Variants in DOC2B observed in about 807,000 individuals in gnomAD.
DOC2B encodes double C2 domain beta.
A neutral mutation model predicts 28.9 loss-of-function variants in DOC2B; 21 were observed. The ratio of observed to expected loss-of-function variants is 0.73; its 90% CI spans 0.52 to 1.05. The LOEUF is 1.05. Ranked by LOEUF, DOC2B falls within the 50% of genes least tolerant of loss-of-function variation. The pLI, the probability that DOC2B is intolerant of heterozygous loss-of-function variation, is 0.00. For synonymous variants in DOC2B, 194 were observed against 178.1 expected, an observed-to-expected ratio of 1.09 and a Z score of -0.71; for missense variants, 384 against 421.1, an observed-to-expected ratio of 0.91 and a Z score of 0.77.
Position 147,277 on chromosome 17 carries a change from G to A in DOC2B, c.*164C>T, listed in dbSNP as rs927689403. On this transcript the variant is annotated 3_prime_UTR_variant, in exon 9 of 9. Transcript: ENST00000613549. Reference sequence around the variant, plus strand: ...GCCCTCCCCGTCCCAGAGTGGCTGAGCCCTCCACATCCTCCGAGCGGGGAC... The same window carrying A: ...GCCCTCCCCGTCCCAGAGTGGCTGAACCCTCCACATCCTCCGAGCGGGGAC... 2 of 395,716 alleles carry A rather than the reference G, an allele frequency of 5.1e-6. No homozygotes were observed. Among genetic ancestry groups the A allele is most frequent in the Admixed American group, 4.4e-5 (1 of 22,648 alleles). 24.5% of individuals were successfully genotyped at this position (395,716 alleles called of 1,614,324 possible).
rs528337335 is a variant in DOC2B at position 151,138 on chromosome 17, G to C, written c.924-1946C>G. On this transcript the variant is annotated intron_variant, in intron 6 of 8. Coordinates refer to ENST00000613549, the MANE Select transcript of DOC2B (RefSeq NM_003585.5). ...AATTAAAAATTAGCTGGGCATGGTGGTGCATGCCTGTAGTCCCAGCTATTC... is the reference window on the plus strand; with the variant it reads ...AATTAAAAATTAGCTGGGCATGGTGCTGCATGCCTGTAGTCCCAGCTATTC... Among the ~76,000 whole-genome samples, 74 of 152,276 alleles carry C rather than the reference G, an allele frequency of 4.9e-4. 3 individuals carry two copies. The South Asian group carries it at 0.014, about 29-fold the overall frequency.
chr17:153,055 G>C (rs994283565), intron 6 of DOC2B, among the ~76,000 whole-genome samples: 1 of 152,160 alleles, frequency 6.6e-6, no homozygotes, highest in African/African-American at 2.4e-5. Flanking sequence ...AGCAGCAGCC[G>C]TCGTGTCTCA....
intron 5 of DOC2B, among the ~76,000 whole-genome samples, chr17:159,709 A>T (rs2040177253): frequency 6.6e-6 from 1 of 152,156 alleles, no homozygotes; most frequent in Non-Finnish European, 1.5e-5. Context: ...GGTCACTGTG[A>T]GTCCCTGAAC....
At chr17:149,501 G>C (rs1478191266) in intron 6 of DOC2B, among the ~76,000 whole-genome samples, 1 of 152,048 alleles carries the variant, frequency 6.6e-6, no homozygotes, top group Non-Finnish European at 1.5e-5. Flanking sequence ...TTTTCATAAA[G>C]CTCACATTTC....
intron 6 of DOC2B, among the ~76,000 whole-genome samples, chr17:154,136 A>T (rs2040104361): frequency 6.6e-6 from 1 of 150,914 alleles, no homozygotes; most frequent in South Asian, 2.1e-4. Context: ...CTTAGGGCTG[A>T]TATTCCACGC....
In DOC2B at chr17:145,576, C is replaced by G. The variant is rs1233613435; in HGVS notation, c.*1865G>C. On this transcript the variant is annotated 3_prime_UTR_variant, in exon 9 of 9. Transcript: ENST00000613549. ...CCAGGGACTGTGTGGGGGCTGGGGT[C>G]CTGTTTTCCCCGCAACCTGGGAAAG... is the stretch of plus-strand genomic sequence containing the variant. 6.6e-6 allele frequency: 1 copy of G among 152,408 alleles called. No individual in the cohort carries two copies. Among genetic ancestry groups the G allele is most frequent in the Admixed American group, 6.5e-5 (1 of 15,280 alleles). 9.4% of individuals were successfully genotyped at this position (152,408 alleles called of 1,614,324 possible).
intron 5 of DOC2B, among the ~76,000 whole-genome samples, chr17:158,783 G>A (rs745992901): frequency 3.2e-4 from 49 of 152,206 alleles, no homozygotes; most frequent in Admixed American, 5.2e-4. Context: ...AGTGACTCAT[G>A]CCTGTAACCC....
At chr17:172,382 AAAG>A (rs746048938) in intron 2 of DOC2B, among the ~76,000 whole-genome samples, 152 bp downstream of exon 2, 11 of 152,264 alleles carry the variant, frequency 7.2e-5, no homozygotes, top group East Asian at 1.9e-4. Context: ...AAGAAGGTTT[AAAG>A]AAGAATTCCT....
chr17:155,611 A>G (rs1555522338), intron 6 of DOC2B, among the ~76,000 whole-genome samples: 1 of 152,026 alleles, frequency 6.6e-6, no homozygotes. Context: ...CACCTGTAGC[A>G]CCCTCTCCAA....
chr17:174,190 T>A (rs1483994763), intron 1 of DOC2B, among the ~76,000 whole-genome samples: 1 of 152,226 alleles, frequency 6.6e-6, no homozygotes, highest in Non-Finnish European at 1.5e-5. Flanking sequence ...GGCACATGTC[T>A]CTGTCTTCGC....
At chr17:164,241 C>T (rs771676312) in intron 2 of DOC2B, 37 bp from the exon 3 acceptor site, 24 of 1,486,148 alleles carry the variant, frequency 1.6e-5, no homozygotes, top group South Asian at 8.5e-5. Flanking sequence ...AACTGGAAAT[C>T]GGGGACATGG....
At chr17:172,678 CCT>C (rs1433535673) in intron 1 of DOC2B, 62 bp from the exon 2 acceptor site, 22 of 1,391,400 alleles carry the variant, frequency 1.6e-5, no homozygotes, top group African/African-American at 5.7e-5. Flanking sequence ...TTCGCCTGCC[CCT>C]GTGAGACCAG....
At chr17:148,852 CCT>C (rs1379583818) in intron 7 of DOC2B, among the ~76,000 whole-genome samples, 6 of 152,058 alleles carry the variant, frequency 3.9e-5, no homozygotes, top group Non-Finnish European at 8.8e-5. Context: ...TTCCTCACCC[CCT>C]CTTTGCCCTG....
At chr17:170,174 T>C (rs191541784) in intron 2 of DOC2B, among the ~76,000 whole-genome samples, 54 of 152,282 alleles carry the variant, frequency 3.5e-4, no homozygotes, top group African/African-American at 1.3e-3. Flanking sequence ...GGTCTCTACC[T>C]TGGCACAGCT....
intron 1 of DOC2B, among the ~76,000 whole-genome samples, chr17:175,455 T>C (rs1372623793): frequency 2.6e-5 from 4 of 152,250 alleles, no homozygotes; most frequent in Non-Finnish European, 5.9e-5. Flanking sequence ...TCTGTACTTT[T>C]GTAACAATAT....
chr17:152,091 G>A (rs2040078855), intron 6 of DOC2B, among the ~76,000 whole-genome samples: 1 of 152,106 alleles, frequency 6.6e-6, no homozygotes, highest in South Asian at 2.1e-4. Context: ...GGCTCACGGA[G>A]CCGCCCTGTG....
intron 8 of DOC2B, among the ~76,000 whole-genome samples, chr17:147,801 G>A (rs1165098644): frequency 6.6e-6 from 1 of 152,216 alleles, no homozygotes; most frequent in Non-Finnish European, 1.5e-5. Context: ...AGGGTGCAGA[G>A]GCAGCATCAG....
At chr17:158,224 T>A (rs1329310794) in intron 5 of DOC2B, among the ~76,000 whole-genome samples, 2 of 151,998 alleles carry the variant, frequency 1.3e-5, no homozygotes, top group Non-Finnish European at 2.9e-5. Flanking sequence ...TTCTTCCTTC[T>A]GGCTGCTGCA....
At chr17:166,774 G>A (rs1297721141) in intron 2 of DOC2B, among the ~76,000 whole-genome samples, 1 of 123,884 alleles carries the variant, frequency 8.1e-6, no homozygotes, top group African/African-American at 3.3e-5. Context: ...TACGTCTCAC[G>A]AGATCTCATG....
Sources: gnomAD v4.1 joint callset for allele counts (sites outside exome capture counted in the v4.1 genomes callset) on GRCh38, gnomAD v4.1.1 for gene constraint, MANE v1.5 for transcripts, NCBI Gene and HGNC (gene_info 2026-07-23, HGNC 2026-07-21) for gene names.